Variants in ZNF385B observed in about 807,000 individuals in gnomAD.
ZNF385B encodes zinc finger protein 533.
ZNF385B carries 23 observed loss-of-function variants against 39.2 expected under a neutral mutation model. The ratio of observed to expected loss-of-function variants is 0.59; its 90% CI spans 0.42 to 0.83. The LOEUF is 0.83. Ranked by LOEUF, ZNF385B falls within the 40% of genes least tolerant of loss-of-function variation. ZNF385B has a pLI of 0.00. For missense variants in ZNF385B, 552 were observed against 598.9 expected (o/e 0.92, Z 0.82); for synonymous variants, 205 against 222.6 (o/e 0.92, Z 0.70).
At chr2:179,697,488 A>T (rs983972149) in intron 3 of ZNF385B, among the ~76,000 whole-genome samples, 1 of 152,132 alleles carries the variant, frequency 6.6e-6, no homozygotes, top group African/African-American at 2.4e-5. Flanking sequence ...CCTGAGGCTT[A>T]CCCAGCCATG....
chr2:179,791,656 G>A lies in ZNF385B; in HGVS notation c.-154-20984C>T, dbSNP rs192571302. Reference sequence around the variant, plus strand: ...AATGCAGTATTTTTAGACAGTAACAGTGCCATGGCAAGCCATTGGAAGCGG... The same window carrying A: ...AATGCAGTATTTTTAGACAGTAACAATGCCATGGCAAGCCATTGGAAGCGG... On this transcript the variant is annotated intron_variant, in intron 1 of 9. Transcript: ENST00000410066. Among the ~76,000 whole-genome samples the A allele has an allele frequency of 4.0e-3, 612 of 152,334 alleles. 13 individuals carry two copies. The highest frequency in any genetic ancestry group is 1.3e-3 in the Non-Finnish European group (91 of 68,038).
chr2:179,490,350 C>A (rs1244995965), intron 5 of ZNF385B, among the ~76,000 whole-genome samples: 4 of 151,792 alleles, frequency 2.6e-5, no homozygotes, highest in Admixed American at 2.6e-4. Flanking sequence ...TATATATGTT[C>A]AATCACATTA....
intron 1 of ZNF385B, among the ~76,000 whole-genome samples, chr2:179,853,151 A>C (rs2105445786): frequency 6.6e-6 from 1 of 152,308 alleles, no homozygotes; most frequent in Non-Finnish European, 1.5e-5. Flanking sequence ...AGAAAATCAA[A>C]TTTAGATGTG....
chr2:179,697,245 ACCT>A (rs1397549170), intron 3 of ZNF385B, among the ~76,000 whole-genome samples: 3 of 151,838 alleles, frequency 2.0e-5, no homozygotes, highest in African/African-American at 7.3e-5. Context: ...TCCCACCCAA[ACCT>A]CCTCTTGAAT....
At chr2:179,631,188 C>T (rs563732650) in intron 3 of ZNF385B, among the ~76,000 whole-genome samples, 7 of 152,186 alleles carry the variant, frequency 4.6e-5, no homozygotes, top group Admixed American at 3.3e-4. Context: ...AGATACTCCT[C>T]GACACGAGCA....
chr2:179,629,419 T>C (rs185614519), intron 3 of ZNF385B, among the ~76,000 whole-genome samples: 2 of 152,286 alleles, frequency 1.3e-5, no homozygotes, highest in Admixed American at 1.3e-4. Context: ...TATGAATGAG[T>C]GGCTGTCTAA....
At chr2:179,795,808 A>G (rs547486467) in intron 1 of ZNF385B, among the ~76,000 whole-genome samples, 2 of 152,304 alleles carry the variant, frequency 1.3e-5, no homozygotes, top group African/African-American at 4.8e-5. Flanking sequence ...AGAAGTAATC[A>G]TATTTTAAAT....
At chr2:179,836,513 C>CTTTT (rs755278598) in intron 1 of ZNF385B, among the ~76,000 whole-genome samples, 1 of 124,178 alleles carries the variant, frequency 8.1e-6, no homozygotes, top group Non-Finnish European at 1.6e-5. Context: ...CTTGCGTTTT[C>CTTTT]TTTTTTTTTT....
intron 3 of ZNF385B, among the ~76,000 whole-genome samples, chr2:179,687,524 TAAA>T (rs1698015056): frequency 6.6e-6 from 1 of 152,100 alleles, no homozygotes; most frequent in Non-Finnish European, 1.5e-5. Flanking sequence ...TCTCACCTCT[TAAA>T]AATATCCCCC....
At chr2:179,611,739 C>T (rs1036469606) in intron 3 of ZNF385B, among the ~76,000 whole-genome samples, 4 of 152,140 alleles carry the variant, frequency 2.6e-5, no homozygotes, top group Non-Finnish European at 5.9e-5. Flanking sequence ...TGAATTTCCT[C>T]ATGGTTCAAT....
chr2:179,805,979 T>C (rs975851511), intron 1 of ZNF385B, among the ~76,000 whole-genome samples: 1 of 152,154 alleles, frequency 6.6e-6, no homozygotes, highest in Non-Finnish European at 1.5e-5. Context: ...GAGGAAAATA[T>C]GGGAGAGTAT....
chr2:179,596,013 AACT>A (rs1180051241), intron 3 of ZNF385B, among the ~76,000 whole-genome samples: 45 of 152,322 alleles, frequency 3.0e-4, no homozygotes, highest in African/African-American at 1.0e-3. Context: ...AATTTCAAGG[AACT>A]ACTATTTTCT....
At chr2:179,763,876 G>A (rs907524693) in intron 3 of ZNF385B, among the ~76,000 whole-genome samples, 6 of 152,036 alleles carry the variant, frequency 3.9e-5, no homozygotes, top group African/African-American at 1.4e-4. Context: ...TTTGTGTTAT[G>A]GTCCAATATA....
intron 1 of ZNF385B, among the ~76,000 whole-genome samples, chr2:179,849,644 T>C (rs1708979089): frequency 1.3e-5 from 2 of 152,176 alleles, no homozygotes; most frequent in African/African-American, 2.4e-5. Flanking sequence ...ATAAAAGTTA[T>C]CACCGGTATT....
intron 3 of ZNF385B, among the ~76,000 whole-genome samples, chr2:179,729,598 T>C (rs1180850115): frequency 6.6e-6 from 1 of 152,200 alleles, no homozygotes; most frequent in Non-Finnish European, 1.5e-5. Context: ...CTTCACCAAT[T>C]TTGTAAATAT....
chr2:179,548,788 T>A (rs1416294372), intron 3 of ZNF385B, among the ~76,000 whole-genome samples: 1 of 149,290 alleles, frequency 6.7e-6, no homozygotes, highest in African/African-American at 2.5e-5. Flanking sequence ...CCTGCCCCCA[T>A]GATTCAATTA....
intron 5 of ZNF385B, among the ~76,000 whole-genome samples, chr2:179,500,316 C>T (rs2056640078): frequency 6.6e-6 from 1 of 152,012 alleles, no homozygotes; most frequent in Non-Finnish European, 1.5e-5. Context: ...AGCTATCCTA[C>T]ACCAAAAGAA....
intron 3 of ZNF385B, among the ~76,000 whole-genome samples, chr2:179,734,065 C>A (rs1701579721): frequency 6.6e-6 from 1 of 152,100 alleles, no homozygotes; most frequent in Non-Finnish European, 1.5e-5. Context: ...GCACATTATT[C>A]CATATCAGTT....
chr2:179,633,705 C>T (rs376449558), intron 3 of ZNF385B, among the ~76,000 whole-genome samples: 1 of 152,028 alleles, frequency 6.6e-6, no homozygotes, highest in Non-Finnish European at 1.5e-5. Context: ...CTGGCCAGGG[C>T]AATCAGGCAA....
Sources: allele counts gnomAD v4.1 joint callset (sites outside exome capture counted in the v4.1 genomes callset), GRCh38; gene constraint gnomAD v4.1.1; transcripts MANE v1.5; gene names NCBI Gene and HGNC (gene_info 2026-07-23, HGNC 2026-07-21).